EPHA3: variants seen among roughly 807,000 people sequenced by gnomAD.
EPHA3 encodes the protein EPH receptor A3.
Under a neutral mutation model 107.1 loss-of-function variants are expected in EPHA3, and 42 were observed. The ratio of observed to expected loss-of-function variants is 0.39; its 90% CI spans 0.31 to 0.51. The LOEUF (loss-of-function observed/expected upper bound fraction) is 0.51, where lower values mean the gene tolerates loss of function less well. Ranked by LOEUF, EPHA3 falls within the 20% of genes least tolerant of loss-of-function variation. The probability of loss-of-function intolerance (pLI) is 0.78; values close to 1 mark genes in which losing one functional copy is unlikely to be tolerated. For missense variants in EPHA3, 1,183 were observed against 1,211.2 expected (o/e 0.98, Z 0.35); for synonymous variants, 461 against 424.8 (o/e 1.09, Z -1.05).
At chr3:89,180,604 G>A (rs893092731) in intron 2 of EPHA3, among the ~76,000 whole-genome samples, 2 of 152,000 alleles carry the variant, frequency 1.3e-5, no homozygotes, top group Non-Finnish European at 2.9e-5. Context: ...AAGGGCAGCA[G>A]TTTAGTAGCG....
chr3:89,309,406 G>A (rs1219850762), intron 3 of EPHA3, among the ~76,000 whole-genome samples: 1 of 152,126 alleles, frequency 6.6e-6, no homozygotes, highest in Non-Finnish European at 1.5e-5. Context: ...ACAAATGTGA[G>A]AGACATCACC....
chr3:89,165,441 G>C (rs1705040899), intron 2 of EPHA3, among the ~76,000 whole-genome samples: 1 of 152,022 alleles, frequency 6.6e-6, no homozygotes, highest in Non-Finnish European at 1.5e-5. Context: ...ATTTCAAATT[G>C]GTTCAATCAT....
intron 3 of EPHA3, among the ~76,000 whole-genome samples, chr3:89,225,894 T>C (rs1704490211): frequency 6.6e-6 from 1 of 152,114 alleles, no homozygotes; most frequent in Admixed American, 6.6e-5. Context: ...TCAAGTTACA[T>C]TTGCCTGGGG....
chr3:89,332,978 T>C (rs1707321115), intron 3 of EPHA3, among the ~76,000 whole-genome samples: 1 of 152,176 alleles, frequency 6.6e-6, no homozygotes, highest in South Asian at 2.1e-4. Context: ...AAGGCTGCCT[T>C]CTTTCTTTCA....
chr3:89,454,811 G>A (rs115340525), intron 15 of EPHA3, among the ~76,000 whole-genome samples: 2,656 of 152,120 alleles, frequency 0.017, 31 homozygotes, highest in Non-Finnish European at 0.028. Flanking sequence ...GGGTGTTATA[G>A]CAAGACCCCC....
intron 3 of EPHA3, among the ~76,000 whole-genome samples, chr3:89,295,490 A>G (rs1706325592): frequency 6.6e-6 from 1 of 152,200 alleles, no homozygotes; most frequent in African/African-American, 2.4e-5. Flanking sequence ...TTTCTCCACC[A>G]TAGAACTTCT....
In EPHA3 at chr3:89,307,302, G is replaced by A. The variant is rs780145409; in HGVS notation, c.815-33614G>A. On this transcript the variant is annotated intron_variant, in intron 3 of 16. Transcript: ENST00000336596. ...TGGGGAAGCCTTAAGATTTTCAAGC[G>A]CAGAGTCTTGGCTAAAAGGATTGAG... is the stretch of plus-strand genomic sequence containing the variant. 1.9e-4 allele frequency among the ~76,000 whole-genome samples: 29 copies of A among 152,270 alleles called. No individual in the cohort carries two copies. In the South Asian group the frequency reaches 6.0e-3, roughly 32 times the overall value.
At chr3:89,114,553 G>T (rs1391961050) in intron 1 of EPHA3, among the ~76,000 whole-genome samples, 1 of 152,188 alleles carries the variant, frequency 6.6e-6, no homozygotes, top group African/African-American at 2.4e-5. Context: ...GTCTCTCCGC[G>T]CCTGGCTGCC....
intron 3 of EPHA3, among the ~76,000 whole-genome samples, chr3:89,308,224 A>T (rs1194887569): frequency 1.3e-5 from 2 of 152,192 alleles, no homozygotes; most frequent in Non-Finnish European, 2.9e-5. Flanking sequence ...GAGTACGAAA[A>T]AATCCTACAC....
chr3:89,310,639 A>G (rs191233133), intron 3 of EPHA3, among the ~76,000 whole-genome samples: 1 of 152,016 alleles, frequency 6.6e-6, no homozygotes, highest in Non-Finnish European at 1.5e-5. Flanking sequence ...GATATTATAT[A>G]TACCATGCAA....
At chr3:89,169,003 T>C (rs989225484) in intron 2 of EPHA3, among the ~76,000 whole-genome samples, 9 of 152,154 alleles carry the variant, frequency 5.9e-5, no homozygotes, top group African/African-American at 2.2e-4. Flanking sequence ...TATATTCGCA[T>C]TTTTCAGTAG....
intron 3 of EPHA3, among the ~76,000 whole-genome samples, chr3:89,306,802 T>A (rs1322328520): frequency 6.6e-6 from 1 of 152,156 alleles, no homozygotes; most frequent in East Asian, 1.9e-4. Flanking sequence ...AAGAGCAGAA[T>A]TCTGTCTTTC....
At chr3:89,211,579 T>C (rs1470140231) in intron 3 of EPHA3, among the ~76,000 whole-genome samples, 1 of 152,086 alleles carries the variant, frequency 6.6e-6, no homozygotes, top group African/African-American at 2.4e-5. Context: ...TGCATATAAA[T>C]TGTCCTCTTT....
chr3:89,266,201 T>C (rs567414789), intron 3 of EPHA3, among the ~76,000 whole-genome samples: 12 of 152,286 alleles, frequency 7.9e-5, no homozygotes, highest in Middle Eastern at 3.4e-3. Context: ...GGCATTTGTA[T>C]TGATTTCATT....
intron 2 of EPHA3, among the ~76,000 whole-genome samples, chr3:89,151,334 G>A (rs1019090598): frequency 2.0e-5 from 3 of 152,066 alleles, no homozygotes; most frequent in African/African-American, 7.2e-5. Flanking sequence ...CTCAGCTAAA[G>A]GAGTACATTT....
intron 1 of EPHA3, 26 bp downstream of exon 1, chr3:89,107,862 A>T (rs566593889): frequency 6.2e-7 from 1 of 1,607,772 alleles, no homozygotes; most frequent in African/African-American, 1.3e-5. Flanking sequence ...CGACGCACGG[A>T]GCTCTGCCCC....
intron 2 of EPHA3, among the ~76,000 whole-genome samples, chr3:89,185,884 T>C (rs1175332498): frequency 6.6e-6 from 1 of 152,128 alleles, no homozygotes; most frequent in Non-Finnish European, 1.5e-5. Flanking sequence ...TTTTGAAAAG[T>C]GATATTTTGA....
At chr3:89,352,902 C>CAA (rs1215369952) in intron 5 of EPHA3, among the ~76,000 whole-genome samples, 35 of 40,694 alleles carry the variant, frequency 8.6e-4, no homozygotes, top group Middle Eastern at 0.017. Flanking sequence ...GACTCTGTCT[C>CAA]AAAAAAAAAA....
At chr3:89,233,507 T>G (rs1471281668) in intron 3 of EPHA3, among the ~76,000 whole-genome samples, 1 of 152,224 alleles carries the variant, frequency 6.6e-6, no homozygotes, top group Non-Finnish European at 1.5e-5. Flanking sequence ...TGACATGACT[T>G]TTTGCTTCTA....
Sources: allele counts gnomAD v4.1 joint callset (sites outside exome capture counted in the v4.1 genomes callset), GRCh38; gene constraint gnomAD v4.1.1; transcripts MANE v1.5; gene names NCBI Gene and HGNC (gene_info 2026-07-23, HGNC 2026-07-21).